Variants in SPIRE1 observed in about 807,000 individuals in gnomAD.
SPIRE1 encodes the protein protein spire homolog 1.
Under a neutral mutation model 94.1 loss-of-function variants are expected in SPIRE1, and 40 were observed. The observed-to-expected ratio is 0.43, with a 90% CI of 0.33 to 0.55. SPIRE1 has a LOEUF of 0.55. SPIRE1 is among the 20% of genes least tolerant of loss of function. SPIRE1 has a pLI of 0.06. For missense variants in SPIRE1, 838 were observed against 975.2 expected (o/e 0.86, Z 1.87); for synonymous variants, 376 against 371.7 (o/e 1.01, Z -0.13).
chr18:12,654,064 C>T (rs2038456919), intron 1 of SPIRE1, among the ~76,000 whole-genome samples: 2 of 151,724 alleles, frequency 1.3e-5, no homozygotes, highest in South Asian at 4.2e-4. Context: ...TGGCCAGGCA[C>T]CGTGGCTCAC....
intron 2 of SPIRE1, among the ~76,000 whole-genome samples, chr18:12,560,040 T>C (rs1598472413): frequency 6.6e-6 from 1 of 152,328 alleles, no homozygotes; most frequent in Non-Finnish European, 1.5e-5. Context: ...AAAACTACAA[T>C]GATATCTCAT....
chr18:12,522,572 G>T (rs1007023123), intron 4 of SPIRE1, among the ~76,000 whole-genome samples: 3 of 152,186 alleles, frequency 2.0e-5, no homozygotes, highest in African/African-American at 4.8e-5. Context: ...AATATTGGAA[G>T]AAGATACCAT....
intron 3 of SPIRE1, among the ~76,000 whole-genome samples, chr18:12,542,831 A>AT (rs1036147913): frequency 4.6e-5 from 7 of 151,934 alleles, no homozygotes; most frequent in African/African-American, 1.7e-4. Flanking sequence ...TTTCATGTTT[A>AT]TTTTTCTTTT....
At chr18:12,646,203 T>C (rs892700336) in intron 1 of SPIRE1, among the ~76,000 whole-genome samples, 1 of 152,068 alleles carries the variant, frequency 6.6e-6, no homozygotes, top group African/African-American at 2.4e-5. Flanking sequence ...CTGCCTCACA[T>C]AGTCTTCCTT....
chr18:12,645,141 A>G (rs578211707), intron 1 of SPIRE1, among the ~76,000 whole-genome samples: 1 of 152,228 alleles, frequency 6.6e-6, no homozygotes, highest in East Asian at 1.9e-4. Context: ...CATCAGAAAT[A>G]GTTAAATGGC....
intron 4 of SPIRE1, among the ~76,000 whole-genome samples, chr18:12,529,796 A>C (rs2034632847): frequency 6.6e-6 from 1 of 152,260 alleles, no homozygotes; most frequent in Non-Finnish European, 1.5e-5. Context: ...TCTAGAGAAC[A>C]GAGATTAGGA....
chr18:12,573,608 T>TA (rs1245790977), intron 2 of SPIRE1, among the ~76,000 whole-genome samples: 2 of 152,162 alleles, frequency 1.3e-5, no homozygotes. Flanking sequence ...AATGGAATAA[T>TA]ATTCAAAGAT....
At chr18:12,483,012 C>A (rs1568199599) in intron 9 of SPIRE1, among the ~76,000 whole-genome samples, 1 of 147,916 alleles carries the variant, frequency 6.8e-6, no homozygotes, top group Non-Finnish European at 1.5e-5. Context: ...ACAATTATGG[C>A]TCACTGCAGC....
intron 2 of SPIRE1, among the ~76,000 whole-genome samples, chr18:12,585,587 A>G (rs1363258047): frequency 1.3e-5 from 2 of 152,194 alleles, no homozygotes; most frequent in Non-Finnish European, 2.9e-5. Context: ...TGTGAAAATT[A>G]AGATATATGG....
intron 5 of SPIRE1, among the ~76,000 whole-genome samples, chr18:12,507,072 G>C (rs1309052473): frequency 1.3e-5 from 2 of 152,224 alleles, no homozygotes; most frequent in Non-Finnish European, 2.9e-5. Context: ...CTTGTCCCTT[G>C]TGTTTCTATT....
intron 4 of SPIRE1, among the ~76,000 whole-genome samples, chr18:12,516,438 G>A (rs747058200): frequency 3.9e-5 from 6 of 152,164 alleles, no homozygotes; most frequent in Non-Finnish European, 8.8e-5. Flanking sequence ...GGCTGCAGAC[G>A]GTAGTAAGAG....
At chr18:12,519,157 T>A (rs2034286419) in intron 4 of SPIRE1, among the ~76,000 whole-genome samples, 1 of 152,190 alleles carries the variant, frequency 6.6e-6, no homozygotes, top group African/African-American at 2.4e-5. Flanking sequence ...GAATAAAAAA[T>A]GTAAAATGTT....
chr18:12,569,874 G>A (rs957368095), intron 2 of SPIRE1, among the ~76,000 whole-genome samples: 10 of 152,186 alleles, frequency 6.6e-5, no homozygotes, highest in Non-Finnish European at 8.8e-5. Context: ...AAATGGGGTA[G>A]AAGAAAAGAG....
At chr18:12,617,264 G>C (rs747193929) in intron 2 of SPIRE1, among the ~76,000 whole-genome samples, 29 of 151,134 alleles carry the variant, frequency 1.9e-4, no homozygotes, top group Non-Finnish European at 3.5e-4. Context: ...ACCCAGGCTG[G>C]AGTGCAGTGG....
At chr18:12,635,161 T>C in intron 1 of SPIRE1, 65 bp from the exon 2 acceptor site, 2 of 860,740 alleles carry the variant, frequency 2.3e-6, no homozygotes, top group East Asian at 2.7e-5. Context: ...TTGATAAAAA[T>C]ATTTGAGCTT....
intron 2 of SPIRE1, among the ~76,000 whole-genome samples, chr18:12,574,322 G>T (rs1278171622): frequency 6.6e-6 from 1 of 152,172 alleles, no homozygotes; most frequent in Non-Finnish European, 1.5e-5. Context: ...GCAGATGCAG[G>T]AAGATCAAAT....
At chr18:12,537,051 T>C (rs926404952) in intron 3 of SPIRE1, among the ~76,000 whole-genome samples, 2 of 152,186 alleles carry the variant, frequency 1.3e-5, no homozygotes, top group African/African-American at 4.8e-5. Context: ...CACAATCTAA[T>C]AGATCACTAG....
chr18:12,641,832 C>CTTT (rs576748359), intron 1 of SPIRE1, among the ~76,000 whole-genome samples: 1 of 125,138 alleles, frequency 8.0e-6, no homozygotes, highest in Non-Finnish European at 1.7e-5. Context: ...GAATGTTATG[C>CTTT]TTTTTTTTTT....
At chr18:12,465,787 A>G (rs1005913458) in intron 10 of SPIRE1, among the ~76,000 whole-genome samples, 4 of 152,174 alleles carry the variant, frequency 2.6e-5, no homozygotes, top group African/African-American at 7.2e-5. Context: ...TGAGTCTAGA[A>G]AAATGTCTAC....
Sources: allele counts gnomAD v4.1 joint callset (sites outside exome capture counted in the v4.1 genomes callset), GRCh38; gene constraint gnomAD v4.1.1; transcripts MANE v1.5; gene names NCBI Gene and HGNC (gene_info 2026-07-23, HGNC 2026-07-21).